Variants in AGO4 observed in about 807,000 individuals in gnomAD.
AGO4 encodes protein argonaute-4.
AGO4 carries 33 observed loss-of-function variants against 104.7 expected under a neutral mutation model. The observed-to-expected ratio is 0.32, with a 90% CI of 0.24 to 0.42. The LOEUF (loss-of-function observed/expected upper bound fraction) is 0.42. Ranked by LOEUF, AGO4 falls within the 10% of genes least tolerant of loss-of-function variation. The pLI, the probability that AGO4 is intolerant of heterozygous loss-of-function variation, is 1.00. For missense variants in AGO4, 711 were observed against 1,083.4 expected (o/e 0.66, Z 4.83); for synonymous variants, 331 against 364.7 (o/e 0.91, Z 1.05).
rs887423744 is a variant in AGO4 at position 35,857,878 on chromosome 1, T to C, written c.*4273T>C. 6 of 152,204 alleles carry C rather than the reference T, an allele frequency of 3.9e-5. No homozygotes were observed. The highest frequency in any genetic ancestry group is 7.2e-5 in the African/African-American group (3 of 41,452). The allele number at this position is 152,204 out of a possible 1,614,324, so 9.4% of individuals were successfully genotyped here. ...TGTCAATTAAAACTAAAATAAAACT[T>C]TTAAAAAAGAAATTTCTATTTGAGA... On this transcript the variant is annotated 3_prime_UTR_variant, in exon 18 of 18. Transcript: ENST00000373210.
At chr1:35,851,127 A>G in intron 17 of AGO4, 74 bp downstream of exon 17, 1 of 1,437,504 alleles carries the variant, frequency 7.0e-7, no homozygotes, top group Non-Finnish European at 9.4e-7. Context: ...ACAATAGAAA[A>G]CTTTTTTAAG....
chr1:35,848,392 G>C (rs1644622644), intron 15 of AGO4, among the ~76,000 whole-genome samples: 1 of 152,140 alleles, frequency 6.6e-6, no homozygotes, highest in Non-Finnish European at 1.5e-5. Flanking sequence ...CTCCTCATCA[G>C]CTTTTCCCAA....
intron 13 of AGO4, among the ~76,000 whole-genome samples, chr1:35,840,889 A>G (rs983301496): frequency 1.3e-5 from 2 of 152,172 alleles, no homozygotes; most frequent in Non-Finnish European, 2.9e-5. Flanking sequence ...TGCTGAGATT[A>G]TAGGTATGAG....
At chr1:35,838,851 G>A (rs1471640711) in intron 13 of AGO4, among the ~76,000 whole-genome samples, 1 of 152,012 alleles carries the variant, frequency 6.6e-6, no homozygotes, top group African/African-American at 2.4e-5. Context: ...TGGGGCTGTG[G>A]TATTAGTCAT....
intron 16 of AGO4, among the ~76,000 whole-genome samples, chr1:35,850,505 C>T (rs1644673846): frequency 6.6e-6 from 1 of 151,924 alleles, no homozygotes; most frequent in South Asian, 2.1e-4. Context: ...TCAGGCCAGG[C>T]ATGGTGGCTC....
intron 1 of AGO4, among the ~76,000 whole-genome samples, chr1:35,814,314 T>A (rs182502118): frequency 2.2e-4 from 34 of 152,274 alleles, no homozygotes; most frequent in East Asian, 9.6e-4. Context: ...TTCTTTTTTT[T>A]AAATTTTTTT....
rs1308045002 is a variant in AGO4, at chr1:35,825,308, C to T, written c.307-5C>T. The T allele has an allele frequency of 2.5e-6, 4 of 1,604,436 alleles. No homozygotes were observed. Among genetic ancestry groups the T allele is most frequent in the Non-Finnish European group, 1.7e-6 (2 of 1,175,710 alleles). On this transcript the variant is annotated splice_region_variant and splice_polypyrimidine_tract_variant and intron_variant, in intron 3 of 17. Coordinates refer to ENST00000373210, the MANE Select transcript of AGO4 (RefSeq NM_017629.4). ...GTGTTTGTATTCATGTATTTTTTTC[C>T]TTAGGTTGATATGGAGGTGACTCTT... is the stretch of plus-strand genomic sequence containing the variant.
intron 15 of AGO4, among the ~76,000 whole-genome samples, chr1:35,846,500 G>GA (rs1266601273): frequency 2.6e-5 from 4 of 152,106 alleles, no homozygotes; most frequent in Middle Eastern, 3.4e-3. Context: ...GGGAGGCTGA[G>GA]ACAGGAGAAT....
chr1:35,851,233 G>A (rs890480971), intron 17 of AGO4, 180 bp downstream of exon 17: 1 of 648,314 alleles, frequency 1.5e-6, no homozygotes, highest in African/African-American at 1.8e-5. Context: ...GAAGTGCTCA[G>A]GCTTGTTTAT....
intron 12 of AGO4, among the ~76,000 whole-genome samples, chr1:35,834,671 G>T (rs1644262834): frequency 6.6e-6 from 1 of 152,114 alleles, no homozygotes; most frequent in African/African-American, 2.4e-5. Flanking sequence ...AGTTATTTTG[G>T]CTATCATTTA....
In AGO4 at chr1:35,832,415, CTTCT is replaced by C; in HGVS notation, c.1246-19_1246-16del. ...TCTTTTGTTTCTTCTTCTTCTTCTT[CTTCT>C]TTTTTTTTTTTTCAAAGAATAAAAC... On this transcript the variant is annotated intron_variant, in intron 10 of 17. Transcript: ENST00000373210. 1 of 1,525,002 alleles carries C rather than the reference CTTCT, an allele frequency of 6.6e-7. No homozygotes were observed. Among genetic ancestry groups the C allele is most frequent in the African/African-American group, 1.4e-5 (1 of 70,550 alleles). The allele number at this position is 1,525,002 out of a possible 1,614,324, so 94.5% of individuals were successfully genotyped here. A position where few individuals can be genotyped will look rare whatever the true frequency, so the allele number is the denominator to read the frequency against.
intron 17 of AGO4, among the ~76,000 whole-genome samples, chr1:35,851,547 A>G (rs190576702): frequency 1.1e-3 from 163 of 152,348 alleles, no homozygotes; most frequent in African/African-American, 3.6e-3. Context: ...GGAGAATCAG[A>G]GAATCTGTTA....
rs1277344330 is a variant in AGO4 at position 35,855,316 on chromosome 1, G to C, written c.*1711G>C. On this transcript the variant is annotated 3_prime_UTR_variant, in exon 18 of 18. Coordinates refer to ENST00000373210, the MANE Select transcript of AGO4 (RefSeq NM_017629.4). ...CTGCTGGTGGGGAAATGATGGTGAA[G>C]GGTGTTTGCTTGAACTCATGAGACG... 4.6e-5 allele frequency: 7 copies of C among 152,710 alleles called. No homozygotes were observed. The highest frequency in any genetic ancestry group is 1.7e-4 in the African/African-American group (7 of 41,440). The allele number at this position is 152,710 out of a possible 1,614,324, so 9.5% of individuals were successfully genotyped here.
intron 15 of AGO4, among the ~76,000 whole-genome samples, chr1:35,842,226 A>C (rs1336519979): frequency 6.6e-6 from 1 of 152,130 alleles, no homozygotes; most frequent in African/African-American, 2.4e-5. Flanking sequence ...ACAGCAGGTG[A>C]GTGGTCAGTG....
chr1:35,841,508 G>C lies in AGO4; in HGVS notation c.2040+28G>C. ...ACTCTCATTATCCCTGTTGCCCTTC[G>C]GGGCCCCTAGGAGTCTGAGGGAGAT... is the stretch of plus-strand genomic sequence containing the variant. On this transcript the variant is annotated intron_variant, in intron 14 of 17. Transcript: ENST00000373210. The surrounding 1 kb of genome is among the most constrained non-coding windows in gnomAD (Gnocchi z 4.7). 6.2e-7 allele frequency: 1 copy of C among 1,608,592 alleles called. No homozygotes were observed. The highest frequency in any genetic ancestry group is 8.5e-7 in the Non-Finnish European group (1 of 1,175,830).
At chr1:35,819,344 C>G (rs1022334629) in intron 2 of AGO4, among the ~76,000 whole-genome samples, 1 of 151,750 alleles carries the variant, frequency 6.6e-6, no homozygotes, top group African/African-American at 2.4e-5. Flanking sequence ...ACCTGTAATC[C>G]CAGCACTTTA....
intron 15 of AGO4, among the ~76,000 whole-genome samples, chr1:35,842,151 C>T (rs936508280): frequency 1.3e-5 from 2 of 152,064 alleles, no homozygotes; most frequent in African/African-American, 4.8e-5. Context: ...CCGCATAGGA[C>T]ACGGGTCCCC....
At chr1:35,844,969 G>A (rs1644532479) in intron 15 of AGO4, among the ~76,000 whole-genome samples, 1 of 152,144 alleles carries the variant, frequency 6.6e-6, no homozygotes, top group South Asian at 2.1e-4. Context: ...TGAAGTTGTT[G>A]TCTCAATGAC....
chr1:35,819,121 A>G (rs1192633015), intron 2 of AGO4, among the ~76,000 whole-genome samples: 1 of 152,158 alleles, frequency 6.6e-6, no homozygotes, highest in African/African-American at 2.4e-5. Context: ...TGATGGATTG[A>G]ACATGTGGTG....
Sources: gnomAD v4.1 joint callset for allele counts (sites outside exome capture counted in the v4.1 genomes callset) on GRCh38, gnomAD v4.1.1 for gene constraint, Gnocchi (gnomAD v3.1) non-coding constraint, MANE v1.5 for transcripts, NCBI Gene and HGNC (gene_info 2026-07-23, HGNC 2026-07-21) for gene names.